The following TTC39B variants were observed in gnomAD, a reference collection of about 807,000 sequenced individuals.
TTC39B encodes the protein tetratricopeptide repeat domain 39B.
TTC39B carries 92 observed loss-of-function variants against 96.6 expected under a neutral mutation model. The ratio of observed to expected loss-of-function variants is 0.95; its 90% CI spans 0.80 to 1.13. The LOEUF (loss-of-function observed/expected upper bound fraction) is 1.13. Ranked by LOEUF, TTC39B falls within the 50% of genes most tolerant of loss-of-function variation. The pLI is 0.00. For missense variants in TTC39B, 955 were observed against 809.3 expected (o/e 1.18, Z -2.18); for synonymous variants, 367 against 299.4 (o/e 1.23, Z -2.33).
intron 1 of TTC39B, among the ~76,000 whole-genome samples, chr9:15,298,530 G>C (rs1317327202): frequency 2.0e-5 from 3 of 152,028 alleles, no homozygotes; most frequent in African/African-American, 7.3e-5. Flanking sequence ...GTGTGTGCGG[G>C]GAAACTGCCC....
At chr9:15,263,555 TCA>T (rs1415805201) in intron 2 of TTC39B, among the ~76,000 whole-genome samples, 1 of 152,236 alleles carries the variant, frequency 6.6e-6, no homozygotes, top group Non-Finnish European at 1.5e-5. Flanking sequence ...CTTTGTTCTC[TCA>T]CTGCCATTTT....
intron 2 of TTC39B, among the ~76,000 whole-genome samples, chr9:15,259,707 A>G (rs1822877605): frequency 6.6e-6 from 1 of 152,204 alleles, no homozygotes; most frequent in Non-Finnish European, 1.5e-5. Flanking sequence ...TTGTCAGGGT[A>G]TCCAATGCAT....
chr9:15,211,336 G>C, exon 5 of TTC39B: 1 of 1,598,346 alleles, frequency 6.3e-7, no homozygotes, highest in Non-Finnish European at 8.5e-7. Context: ...TCGAAGGTCA[G>C]GACAGCCTGC....
At chr9:15,247,753 G>C (rs917779631) in intron 2 of TTC39B, among the ~76,000 whole-genome samples, 1 of 151,472 alleles carries the variant, frequency 6.6e-6, no homozygotes, top group Non-Finnish European at 1.5e-5. Context: ...AAGACCTCTG[G>C]GCATGAGGCA....
chr9:15,267,377 T>C (rs535799530), intron 2 of TTC39B, among the ~76,000 whole-genome samples: 3 of 152,378 alleles, frequency 2.0e-5, no homozygotes, highest in South Asian at 4.1e-4. Context: ...CCTACATTTG[T>C]TATGTTAACC....
At chr9:15,238,303 GAAAA>G (rs1481435809) in intron 2 of TTC39B, among the ~76,000 whole-genome samples, 1 of 151,850 alleles carries the variant, frequency 6.6e-6, no homozygotes, top group Admixed American at 6.6e-5. Flanking sequence ...ATCCAAATTG[GAAAA>G]AAGGAAGTCA....
chr9:15,262,993 G>A (rs535639738), intron 2 of TTC39B, among the ~76,000 whole-genome samples: 4 of 152,282 alleles, frequency 2.6e-5, no homozygotes, highest in African/African-American at 9.6e-5. Flanking sequence ...CCTGAAATTA[G>A]GACAAACAAA....
At chr9:15,218,635 A>AAAAAAAAAAAATATATAT (rs374054306) in intron 3 of TTC39B, among the ~76,000 whole-genome samples, 4 of 149,448 alleles carry the variant, frequency 2.7e-5, no homozygotes, top group African/African-American at 9.9e-5. Flanking sequence ...GTCTATTTTA[A>AAAAAAAAAAAATATATAT]ATATATATAT....
chr9:15,268,147 T>A (rs868346346), intron 1 of TTC39B, among the ~76,000 whole-genome samples, 199 bp from the exon 2 acceptor site: 1 of 150,288 alleles, frequency 6.7e-6, no homozygotes, highest in Non-Finnish European at 1.5e-5. Context: ...TGACGTTTAA[T>A]TTTTTTTTTA....
At chr9:15,246,589 T>C (rs1822290040) in intron 2 of TTC39B, among the ~76,000 whole-genome samples, 1 of 152,218 alleles carries the variant, frequency 6.6e-6, no homozygotes, top group Non-Finnish European at 1.5e-5. Flanking sequence ...AACACTGTGT[T>C]AGTTTGGGGT....
intron 2 of TTC39B, among the ~76,000 whole-genome samples, chr9:15,258,707 G>T (rs908228717): frequency 6.6e-6 from 1 of 152,168 alleles, no homozygotes; most frequent in African/African-American, 2.4e-5. Flanking sequence ...CAGTCACAAA[G>T]ATCCTGCTCA....
intron 1 of TTC39B, among the ~76,000 whole-genome samples, chr9:15,282,160 A>G (rs612183): frequency 0.68 from 103,898 of 152,092 alleles, 37,260 homozygotes; most frequent in East Asian, 0.9. Context: ...GCAATTAAAC[A>G]TAGACACTTA....
intron 3 of TTC39B, among the ~76,000 whole-genome samples, chr9:15,225,393 A>G (rs1821067645): frequency 6.6e-6 from 1 of 152,192 alleles, no homozygotes; most frequent in Admixed American, 6.5e-5. Flanking sequence ...ACACTTCTTA[A>G]AATATATTTT....
chr9:15,236,892 A>G (rs367835811), intron 2 of TTC39B, among the ~76,000 whole-genome samples: 1 of 152,334 alleles, frequency 6.6e-6, no homozygotes, highest in Non-Finnish European at 1.5e-5. Context: ...CCTCAAATTA[A>G]CAACCTAACA....
At chr9:15,298,192 G>A (rs960199333) in intron 1 of TTC39B, among the ~76,000 whole-genome samples, 1 of 152,146 alleles carries the variant, frequency 6.6e-6, no homozygotes, top group African/African-American at 2.4e-5. Flanking sequence ...ACTTGCACCT[G>A]TAGTCCCCCA....
chr9:15,190,382 CCCAGGCTGGAT>C (rs1818786726), intron 11 of TTC39B, among the ~76,000 whole-genome samples, 161 bp downstream of exon 11: 1 of 152,080 alleles, frequency 6.6e-6, no homozygotes, highest in South Asian at 2.1e-4. Context: ...CGCTCTGTGG[CCCAGGCTGGAT>C]CCAGTGCAGT....
chr9:15,270,471 C>G (rs149939567), intron 1 of TTC39B, among the ~76,000 whole-genome samples: 1 of 152,126 alleles, frequency 6.6e-6, no homozygotes, highest in Non-Finnish European at 1.5e-5. Flanking sequence ...TCTCCTCCTC[C>G]TCACAAACCT....
chr9:15,217,359 G>A (rs1586895179), intron 3 of TTC39B, among the ~76,000 whole-genome samples: 1 of 152,200 alleles, frequency 6.6e-6, no homozygotes, highest in East Asian at 1.9e-4. Flanking sequence ...ATCCACCTCT[G>A]CATCTCAGCT....
intron 1 of TTC39B, among the ~76,000 whole-genome samples, chr9:15,274,253 T>A (rs1003679248): frequency 6.6e-6 from 1 of 152,254 alleles, no homozygotes; most frequent in Non-Finnish European, 1.5e-5. Context: ...CTGTTAGGAA[T>A]AATTTTTCAT....
Sources: gnomAD v4.1 joint callset for allele counts (sites outside exome capture counted in the v4.1 genomes callset) on GRCh38, gnomAD v4.1.1 for gene constraint, MANE v1.5 for transcripts, NCBI Gene and HGNC (gene_info 2026-07-23, HGNC 2026-07-21) for gene names.